CNTN5: variants seen among roughly 807,000 people sequenced by gnomAD.
CNTN5 encodes contactin 5.
In CNTN5, 77 loss-of-function variants were observed where a neutral mutation model predicts 129.1. The ratio of observed to expected loss-of-function variants is 0.60; its 90% CI spans 0.50 to 0.72. The LOEUF is 0.72. CNTN5 is among the 30% of genes least tolerant of loss of function. The pLI is 0.00. For synonymous variants in CNTN5, 509 were observed against 465.6 expected, an observed-to-expected ratio of 1.09 and a Z score of -1.20; for missense variants, 1,478 against 1,328.8, an observed-to-expected ratio of 1.11 and a Z score of -1.75.
At chr11:100,025,187 T>G (rs999500573) in intron 9 of CNTN5, among the ~76,000 whole-genome samples, 1 of 152,210 alleles carries the variant, frequency 6.6e-6, no homozygotes, top group Non-Finnish European at 1.5e-5. Context: ...GCATCCCAGC[T>G]GTGGCTGAAA....
At chr11:100,087,565 A>G (rs1944602642) in intron 13 of CNTN5, among the ~76,000 whole-genome samples, 1 of 151,950 alleles carries the variant, frequency 6.6e-6, no homozygotes, top group Non-Finnish European at 1.5e-5. Context: ...AAAGGGTTCA[A>G]TTCAACAAGA....
At chr11:100,318,691 AC>A (rs1951617553) in intron 21 of CNTN5, among the ~76,000 whole-genome samples, 1 of 152,216 alleles carries the variant, frequency 6.6e-6, no homozygotes. Flanking sequence ...CTGGGTTTAT[AC>A]CTTAAGCACC....
At chr11:99,407,041 C>A (rs531224267) in intron 2 of CNTN5, among the ~76,000 whole-genome samples, 1 of 151,946 alleles carries the variant, frequency 6.6e-6, no homozygotes, top group African/African-American at 2.4e-5. Context: ...GGTGTTCTAT[C>A]CCCCTGTGGC....
In CNTN5 at chr11:100,271,138, C is replaced by G. The variant is rs751276092; in HGVS notation, c.2211C>G (p.Asp737Glu). The G allele has an allele frequency of 5.6e-6, 9 of 1,612,942 alleles. No individual in the cohort carries two copies. Among genetic ancestry groups the G allele is most frequent in the Non-Finnish European group, 3.4e-6 (4 of 1,179,402 alleles). The change falls in exon 18 of 25, where the codon GAC (aspartate) becomes GAG (glutamate). Residue 737 changes from aspartate (D) to glutamate (E), a missense_variant. Physicochemically the swap from Asp to Glu is conservative, Grantham distance 45 (BLOSUM62 2). Coordinates refer to ENST00000524871, the MANE Select transcript of CNTN5 (RefSeq NM_014361.4). Reference sequence around the variant, plus strand: ...ACATGGAGTCAGCCATGGCTGTGGACCTAAATCCCTGGGTGGAATATGAAT... The same window carrying G: ...ACATGGAGTCAGCCATGGCTGTGGAGCTAAATCCCTGGGTGGAATATGAAT... ...TGDMESAMAV[D>E]LNPWVEYEFR...
chr11:99,822,338 G>C lies in CNTN5; in HGVS notation c.277+2573G>C, dbSNP rs189005350. On this transcript the variant is annotated intron_variant, in intron 4 of 24. Transcript: ENST00000524871. ...TCACCACAATATGTTTAAGAGTAAA[G>C]GTTGGAAACAGATGTCCATCAGAAG... Among the ~76,000 whole-genome samples, 629 of 152,240 alleles carry C rather than the reference G, an allele frequency of 4.1e-3. 10 individuals carry two copies. The highest frequency in any genetic ancestry group is 0.014 in the African/African-American group (594 of 41,550).
intron 2 of CNTN5, among the ~76,000 whole-genome samples, chr11:99,330,043 C>T (rs1591531275): frequency 6.7e-6 from 1 of 150,358 alleles, no homozygotes; most frequent in African/African-American, 2.4e-5. Flanking sequence ...CATTTTTAAC[C>T]ACCGAGTGGA....
chr11:99,656,653 G>T (rs189113257), intron 3 of CNTN5, among the ~76,000 whole-genome samples: 1 of 152,224 alleles, frequency 6.6e-6, no homozygotes, highest in East Asian at 1.9e-4. Context: ...TGGCACATTT[G>T]CCCAGAGATG....
chr11:99,581,082 A>G (rs1180099064), intron 3 of CNTN5, among the ~76,000 whole-genome samples: 4 of 147,564 alleles, frequency 2.7e-5, no homozygotes, highest in Non-Finnish European at 6.0e-5. Flanking sequence ...CCTTCATTTC[A>G]TTATGTACCC....
intron 1 of CNTN5, among the ~76,000 whole-genome samples, chr11:99,253,218 T>C (rs1255628555): frequency 2.6e-5 from 4 of 152,100 alleles, no homozygotes; most frequent in Admixed American, 6.6e-5. Context: ...GGAGTTCCCC[T>C]GCACCAGCTC....
intron 1 of CNTN5, among the ~76,000 whole-genome samples, chr11:99,191,367 A>T (rs1439115429): frequency 6.6e-6 from 1 of 151,708 alleles, no homozygotes; most frequent in Non-Finnish European, 1.5e-5. Flanking sequence ...TGGAAATATT[A>T]TCTTTCCTTC....
rs762223870 is a variant in CNTN5 at position 99,224,683 on chromosome 11, A to G, written c.-209-100663A>G. Among the ~76,000 whole-genome samples, 26 of 62,220 alleles carry G rather than the reference A, an allele frequency of 4.2e-4. 1 individual carries two copies. Among genetic ancestry groups the G allele is most frequent in the Non-Finnish European group, 7.9e-4 (22 of 27,948 alleles). The allele number at this position is 62,220 out of a possible 152,430, so 40.8% of individuals were successfully genotyped here. A position where few individuals can be genotyped will look rare whatever the true frequency, so the allele number is the denominator to read the frequency against. On this transcript the variant is annotated intron_variant, in intron 1 of 24. Coordinates refer to ENST00000524871, the MANE Select transcript of CNTN5 (RefSeq NM_014361.4). The stretch of plus-strand genomic sequence containing the variant: ...TTTTTTTTTTTTTTTTTTTTGAGAC[A>G]GTCTTGCTCTGTCACCCAAGCTGGA...
intron 1 of CNTN5, among the ~76,000 whole-genome samples, chr11:99,109,657 C>T (rs1350145585): frequency 2.6e-5 from 4 of 152,002 alleles, no homozygotes; most frequent in African/African-American, 9.7e-5. Flanking sequence ...GGTAATAGAA[C>T]CATCGGCATT....
At chr11:99,809,762 A>G (rs1946375797) in intron 3 of CNTN5, among the ~76,000 whole-genome samples, 2 of 152,282 alleles carry the variant, frequency 1.3e-5, no homozygotes, top group South Asian at 4.1e-4. Context: ...CATTTTGTGT[A>G]ATTATTTTCT....
At chr11:99,420,603 G>A (rs888476308) in intron 2 of CNTN5, among the ~76,000 whole-genome samples, 1 of 152,062 alleles carries the variant, frequency 6.6e-6, no homozygotes, top group African/African-American at 2.4e-5. Flanking sequence ...AGTCTGAAAA[G>A]GGCCATGATA....
intron 1 of CNTN5, among the ~76,000 whole-genome samples, chr11:99,269,948 A>G (rs1472480729): frequency 6.6e-6 from 1 of 151,922 alleles, no homozygotes; most frequent in African/African-American, 2.4e-5. Flanking sequence ...TACTTGGGAA[A>G]AAATGCAGAA....
intron 8 of CNTN5, among the ~76,000 whole-genome samples, chr11:99,993,717 C>G (rs1939270339): frequency 6.6e-6 from 1 of 152,092 alleles, no homozygotes; most frequent in African/African-American, 2.4e-5. Context: ...CCACAGACCA[C>G]TGCAGGTCTG....
chr11:100,073,830 C>A (rs1054466659), intron 12 of CNTN5, among the ~76,000 whole-genome samples: 1 of 152,078 alleles, frequency 6.6e-6, no homozygotes, highest in African/African-American at 2.4e-5. Flanking sequence ...GTCAGTTAGC[C>A]TTTTGCTCTT....
At chr11:100,069,702 TAAATTC>T (rs1943832009) in intron 10 of CNTN5, among the ~76,000 whole-genome samples, 1 of 152,176 alleles carries the variant, frequency 6.6e-6, no homozygotes, top group Non-Finnish European at 1.5e-5. Flanking sequence ...TTAGAAATAA[TAAATTC>T]AGTGCAATAT....
intron 3 of CNTN5, among the ~76,000 whole-genome samples, chr11:99,678,520 T>C (rs75325023): frequency 0.019 from 2,872 of 152,198 alleles, 118 homozygotes; most frequent in East Asian, 0.18. Flanking sequence ...TCAGCACTTA[T>C]ACGAGAAAGA....
Sources: gnomAD v4.1 joint callset for allele counts (sites outside exome capture counted in the v4.1 genomes callset) on GRCh38, gnomAD v4.1.1 for gene constraint, MANE v1.5 for transcripts, NCBI Gene and HGNC (gene_info 2026-07-23, HGNC 2026-07-21) for gene names.